Variants in BRD1 observed in about 807,000 individuals in gnomAD.
The protein encoded by BRD1 is bromodomain-containing protein 1.
In BRD1, 24 loss-of-function variants were observed where a neutral mutation model predicts 107.7. The ratio of observed to expected loss-of-function variants is 0.22; its 90% confidence interval spans 0.16 to 0.31. The LOEUF (loss-of-function observed/expected upper bound fraction) is 0.31, where lower values mean the gene tolerates loss of function less well. Ranked by LOEUF, BRD1 falls within the 10% of genes least tolerant of loss-of-function variation. The pLI is 1.00. For missense variants in BRD1, 1,279 were observed against 1,638.6 expected, an observed-to-expected ratio of 0.78 and a Z score of 3.79; for synonymous variants, 744 against 686.1, an observed-to-expected ratio of 1.08 and a Z score of -1.32.
chr22:49,811,601 GA>G (rs1269457407), intron 2 of BRD1, among the ~76,000 whole-genome samples: 1 of 152,236 alleles, frequency 6.6e-6, no homozygotes, highest in Non-Finnish European at 1.5e-5. Flanking sequence ...ACACGACAGG[GA>G]GACTGTGATC....
Position 49,803,297 on chromosome 22 carries a change from G to A in BRD1, c.1524+907C>T, listed in dbSNP as rs1001714283. Among the ~76,000 whole-genome samples, 6 of 152,240 alleles carry A rather than the reference G, an allele frequency of 3.9e-5. No homozygotes were observed. The highest frequency in any genetic ancestry group is 1.4e-4 in the African/African-American group (6 of 41,468). The stretch of plus-strand genomic sequence containing the variant: ...GTAGACTCAAGCTTCCTGTGAGCAA[G>A]TCACCACCTCACAGCAGAGCAGGAT... On this transcript the variant is annotated intron_variant, in intron 3 of 12. Coordinates refer to ENST00000404760, the MANE Select transcript of BRD1 (RefSeq NM_001304808.3). This position sits in a 1 kb window ranked among gnomAD's most constrained non-coding sequence, Gnocchi z 4.4.
rs1434283825 is a variant in BRD1, at chr22:49,827,540, G to T, written c.-58C>A. On this transcript the variant is annotated 5_prime_UTR_variant, in exon 1 of 13. Transcript: ENST00000404760. The stretch of plus-strand genomic sequence containing the variant: ...GCGGGAGCCCGGCAAGCGGGCGGGC[G>T]CGGGGGCCGGCGCGGCCGAGGCGGT... 3 of 144,974 alleles carry T rather than the reference G, an allele frequency of 2.1e-5. No homozygotes were observed. Among genetic ancestry groups the T allele is most frequent in the African/African-American group, 7.4e-5 (3 of 40,432 alleles). 9.0% of individuals were successfully genotyped at this position (144,974 alleles called of 1,614,324 possible).
intron 8 of BRD1, among the ~76,000 whole-genome samples, 193 bp from the exon 9 acceptor site, chr22:49,778,006 G>A (rs940907939): frequency 6.6e-6 from 1 of 152,252 alleles, no homozygotes; most frequent in Non-Finnish European, 1.5e-5. Context: ...CTCGTTAAAT[G>A]AAATCAACTT....
At position 49,826,599 on chromosome 22, in the gene BRD1, GA is replaced by G. The variant is rs2060150712; in HGVS notation, c.-15+897del. ...CATCTTCCCACCGCCCGCCCAGGGA[GA>G]AGCCGGCCACGCGCCGGGCCTCTCG... On this transcript the variant is annotated intron_variant, in intron 1 of 12. Transcript: ENST00000404760. Among the ~76,000 whole-genome samples, 3 of 152,384 alleles carry G rather than the reference GA, an allele frequency of 2.0e-5. No homozygotes were observed. The South Asian group carries it at 6.2e-4, about 32-fold the overall frequency.
At chr22:49,786,975 T>C (rs372791264) in intron 8 of BRD1, among the ~76,000 whole-genome samples, 110 of 151,970 alleles carry the variant, frequency 7.2e-4, no homozygotes, top group African/African-American at 2.5e-3. Context: ...GCACCTGTAG[T>C]CCCAGCTACA....
In BRD1 at chr22:49,792,177, TAA is replaced by T. The variant is rs138847; in HGVS notation, c.2359+1855_2359+1856del. On this transcript the variant is annotated intron_variant, in intron 7 of 12. Transcript: ENST00000404760. This position sits in a 1 kb window ranked among gnomAD's most constrained non-coding sequence, Gnocchi z 4.2. The stretch of plus-strand genomic sequence containing the variant: ...CAATGGCAATGGAGGAAGCCACTGA[TAA>T]AAAAAAAAAGCTAAAAAGGTAACTT... 5.5e-5 allele frequency among the ~76,000 whole-genome samples: 8 copies of T among 146,320 alleles called. No individual in the cohort carries two copies. The highest frequency in any genetic ancestry group is 2.1e-4 in the South Asian group (1 of 4,652).
chr22:49,800,196 G>C (rs2059615400), intron 3 of BRD1, among the ~76,000 whole-genome samples: 4 of 152,168 alleles, frequency 2.6e-5, no homozygotes, highest in South Asian at 4.1e-4. Context: ...ACTACAAGAT[G>C]CAAGGACCCC....
intron 9 of BRD1, 41 bp downstream of exon 9, chr22:49,777,637 T>C (rs1382722156): frequency 6.9e-6 from 11 of 1,587,604 alleles, no homozygotes; most frequent in Non-Finnish European, 9.4e-6. Flanking sequence ...CGGGCGGTGC[T>C]GGGAGCTGCG....
chr22:49,787,961 G>T, intron 7 of BRD1, 74 bp from the exon 8 acceptor site: 1 of 1,311,538 alleles, frequency 7.6e-7, no homozygotes, highest in Non-Finnish European at 1.0e-6. Context: ...TACTATAAAT[G>T]TGAAGTCCAC....
chr22:49,820,598 C>A (rs2060047290), intron 2 of BRD1, among the ~76,000 whole-genome samples: 2 of 152,172 alleles, frequency 1.3e-5, no homozygotes, highest in African/African-American at 4.8e-5. Flanking sequence ...AGAACAAGAC[C>A]CTGTCTCTAA....
chr22:49,796,945 G>A (rs1462673769), intron 6 of BRD1, among the ~76,000 whole-genome samples: 1 of 152,248 alleles, frequency 6.6e-6, no homozygotes, highest in African/African-American at 2.4e-5. Flanking sequence ...AAGAGAAAGG[G>A]TAGGCCAAGA....
chr22:49,777,857 C>A, intron 8 of BRD1, 44 bp from the exon 9 acceptor site: 2 of 1,558,158 alleles, frequency 1.3e-6, no homozygotes, highest in Non-Finnish European at 8.7e-7. Context: ...ACAACCAGGG[C>A]ACACTGAAGC....
Position 49,776,128 on chromosome 22 carries a change from A to G in BRD1, c.3153T>C (p.Thr1051=), listed in dbSNP as rs759393550. The change falls in exon 11 of 13, where the codon ACT becomes ACC. Residue 1051 remains threonine, a synonymous_variant. Coordinates refer to ENST00000404760, the MANE Select transcript of BRD1 (RefSeq NM_001304808.3). The part of the protein sequence containing the change: ...EVGQSSMWIS[T]DAAASVLEPL... The stretch of plus-strand genomic sequence containing the variant: ...GCTCCAGCACCGAGGCGGCGGCATC[A>G]GTGGAGATCCACATGCTGCTCTGGC... The G allele has an allele frequency of 1.4e-5, 22 of 1,606,404 alleles. No individual in the cohort carries two copies. Among genetic ancestry groups the G allele is most frequent in the Admixed American group, 6.7e-5 (4 of 59,976 alleles).
chr22:49,815,317 T>G (rs1453824409), intron 2 of BRD1, among the ~76,000 whole-genome samples: 1 of 152,150 alleles, frequency 6.6e-6, no homozygotes, highest in African/African-American at 2.4e-5. Context: ...GGCAGGCGGA[T>G]TACCTTAGGT....
Position 49,823,296 on chromosome 22 carries a change from C to T in BRD1, c.1022G>A (p.Cys341Tyr). 1 of 1,614,194 alleles carries T rather than the reference C, an allele frequency of 6.2e-7. No individual in the cohort carries two copies. Among genetic ancestry groups the T allele is most frequent in the East Asian group, 2.2e-5 (1 of 44,882 alleles). Residue 341 changes from cysteine (C) to tyrosine (Y), a missense_variant, in exon 2 of 13, where the codon TGC (cysteine) becomes TAC (tyrosine). This residue lies in a region of BRD1 where 158 missense variants were observed against 310.2 expected (regional missense o/e 0.51). Coordinates refer to ENST00000404760, the MANE Select transcript of BRD1 (RefSeq NM_001304808.3). ...TGCTGTGTAGCAGTTTGCTTTGTGG[C>T]ACTGGATGCAGGCACCCACGCCCTT... ...KQKGVGACIQ[C>Y]HKANCYTAFH...
chr22:49,824,064 A>C lies in BRD1; in HGVS notation c.254T>G (p.Val85Gly). The change falls in exon 2 of 13, where the codon GTC (valine) becomes GGC (glycine). Residue 85 changes from valine (V) to glycine (G), a missense_variant. Physicochemically the swap from Val to Gly is moderately radical, Grantham distance 109 (BLOSUM62 -3). This residue lies in a region of BRD1 where 223 missense variants were observed against 263.5 expected (regional missense o/e 0.85). Transcript: ENST00000404760. The surrounding 1 kb of genome is among the most constrained non-coding windows in gnomAD (Gnocchi z 5.9). ...TTTGTGACGCTTAGTTCTTAAGCAG[A>C]CAGGAGGCCGCTCGCTGTTTTCCTT... ...SNKENSERPPVCLRTKRHKNN... is the reference protein window; with the variant it reads ...SNKENSERPPGCLRTKRHKNN... 6.2e-7 allele frequency: 1 copy of C among 1,613,974 alleles called. No homozygotes were observed. Among genetic ancestry groups the C allele is most frequent in the Non-Finnish European group, 8.5e-7 (1 of 1,180,034 alleles).
At chr22:49,818,605 T>C (rs1215419409) in intron 2 of BRD1, among the ~76,000 whole-genome samples, 1 of 152,066 alleles carries the variant, frequency 6.6e-6, no homozygotes, top group Non-Finnish European at 1.5e-5. Context: ...AATGTCCTCC[T>C]GGCCGGGCTC....
chr22:49,784,130 G>A (rs1052753721), intron 8 of BRD1, among the ~76,000 whole-genome samples: 2 of 151,722 alleles, frequency 1.3e-5, no homozygotes, highest in African/African-American at 2.4e-5. Context: ...TCTCCGCAAC[G>A]GCAGCGAGTG....
In BRD1 at chr22:49,827,839, G is replaced by GTCGC. The variant is rs1255071595; in HGVS notation, c.-361_-358dup. ...GGGCTGGCTCGGACTCCAGGGCCGG[G>GTCGC]TCGCTCGCTCGCTCCCCAGCGAAGC... On this transcript the variant is annotated 5_prime_UTR_variant, in exon 1 of 13. Transcript: ENST00000404760. 4.1e-5 allele frequency among the ~76,000 whole-genome samples: 6 copies of GTCGC among 146,254 alleles called. No homozygotes were observed. Among genetic ancestry groups the GTCGC allele is most frequent in the African/African-American group, 1.2e-4 (5 of 40,810 alleles).
Sources: allele counts gnomAD v4.1 joint callset (sites outside exome capture counted in the v4.1 genomes callset), GRCh38; gene constraint gnomAD v4.1.1; regional missense constraint gnomAD v4.1.1; non-coding constraint Gnocchi (gnomAD v3.1); transcripts MANE v1.5; gene names NCBI Gene and HGNC (gene_info 2026-07-23, HGNC 2026-07-21).